ATP10B: variants seen among roughly 807,000 people sequenced by gnomAD.
ATP10B encodes ATPase phospholipid transporting 10B (putative).
Under a neutral mutation model 141.2 loss-of-function variants are expected in ATP10B, and 122 were observed. The observed-to-expected ratio is 0.86, with a 90% CI of 0.75 to 1.00. ATP10B has a LOEUF of 1.00. ATP10B is among the 50% of genes least tolerant of loss of function. The pLI, the probability that ATP10B is intolerant of heterozygous loss-of-function variation, is 0.00. For missense variants in ATP10B, 1,876 were observed against 1,825.3 expected, an observed-to-expected ratio of 1.03 and a Z score of -0.51; for synonymous variants, 685 against 692.0, an observed-to-expected ratio of 0.99 and a Z score of 0.16.
intron 24 of ATP10B, among the ~76,000 whole-genome samples, chr5:160,571,352 TTA>T (rs1394054545): frequency 1.3e-5 from 2 of 152,214 alleles, no homozygotes; most frequent in East Asian, 1.9e-4. Flanking sequence ...CCATTGAAAC[TTA>T]TAGTTATTGT....
chr5:160,812,646 G>T (rs1246738618), intron 1 of ATP10B, among the ~76,000 whole-genome samples: 2 of 152,066 alleles, frequency 1.3e-5, no homozygotes, highest in Non-Finnish European at 2.9e-5. Flanking sequence ...TAGCAGAATT[G>T]ATCAGGCAAA....
chr5:160,600,197 G>A (rs1403815832), intron 21 of ATP10B, among the ~76,000 whole-genome samples: 1 of 152,058 alleles, frequency 6.6e-6, no homozygotes, highest in African/African-American at 2.4e-5. Flanking sequence ...ATCACATGTT[G>A]ATATTAACAA....
chr5:160,611,076 A>G (rs978294369), intron 18 of ATP10B, among the ~76,000 whole-genome samples: 4 of 152,176 alleles, frequency 2.6e-5, no homozygotes, highest in African/African-American at 7.2e-5. Context: ...CTGGCTTAAC[A>G]TATTATTTTT....
At chr5:160,912,218 A>C in the ATP10B span, among the ~76,000 whole-genome samples, 746 of 152,206 alleles carry the variant, frequency 4.9e-3, 4 homozygotes, top group African/African-American at 0.017. Flanking sequence ...AAAATAATGA[A>C]GAATAAGTTA....
intron 8 of ATP10B, among the ~76,000 whole-genome samples, chr5:160,646,637 G>A (rs1417495619): frequency 6.6e-6 from 1 of 152,174 alleles, no homozygotes; most frequent in East Asian, 1.9e-4. Flanking sequence ...GGCTGGCTGT[G>A]GATTTAATAC....
intron 2 of ATP10B, among the ~76,000 whole-genome samples, chr5:160,724,475 T>C (rs1054953553): frequency 2.0e-5 from 3 of 152,310 alleles, no homozygotes; most frequent in East Asian, 3.9e-4. Flanking sequence ...AAACTCTCCA[T>C]TGGCTTCCTA....
At chr5:160,837,951 T>G (rs943518221) in intron 1 of ATP10B, among the ~76,000 whole-genome samples, 1 of 152,218 alleles carries the variant, frequency 6.6e-6, no homozygotes, top group African/African-American at 2.4e-5. Flanking sequence ...ATCAGGATTC[T>G]GTAATGTAGT....
intron 2 of ATP10B, among the ~76,000 whole-genome samples, chr5:160,741,404 G>A (rs1010926122): frequency 2.6e-5 from 4 of 152,192 alleles, no homozygotes; most frequent in Non-Finnish European, 2.9e-5. Flanking sequence ...CTGGGAGTGA[G>A]AAATAATCTA....
chr5:160,604,709 C>T (rs113430688), intron 19 of ATP10B, among the ~76,000 whole-genome samples: 9 of 151,714 alleles, frequency 5.9e-5, no homozygotes, highest in African/African-American at 2.2e-4. Context: ...GGCATAGACA[C>T]ACACACACAC....
At chr5:160,917,789 A>G in the ATP10B span, among the ~76,000 whole-genome samples, 1 of 151,916 alleles carries the variant, frequency 6.6e-6, no homozygotes. Context: ...CCTGCCACCT[A>G]CCCTCCCTTC....
At chr5:160,841,827 C>T (rs1222588349) in intron 1 of ATP10B, among the ~76,000 whole-genome samples, 3 of 152,144 alleles carry the variant, frequency 2.0e-5, no homozygotes, top group African/African-American at 4.8e-5. Context: ...TGGGCACAAG[C>T]GATTCTACTG....
chr5:160,593,937 G>C (rs1166837412), intron 22 of ATP10B, among the ~76,000 whole-genome samples: 1 of 152,216 alleles, frequency 6.6e-6, no homozygotes, highest in Non-Finnish European at 1.5e-5. Flanking sequence ...CGGGGAGAAA[G>C]AATGGAACTA....
At chr5:160,891,318 AATCCC>A in the ATP10B span, among the ~76,000 whole-genome samples, 1 of 152,282 alleles carries the variant, frequency 6.6e-6, no homozygotes, top group Middle Eastern at 3.4e-3. Context: ...CTTGCCTCAG[AATCCC>A]ATCAGTATGT....
chr5:160,645,712 A>G (rs2127682316), intron 8 of ATP10B, among the ~76,000 whole-genome samples: 1 of 152,266 alleles, frequency 6.6e-6, no homozygotes, highest in Middle Eastern at 3.4e-3. Context: ...ATAACTTTCC[A>G]AACCTATTTG....
chr5:160,703,839 T>C (rs1764817810), intron 3 of ATP10B, among the ~76,000 whole-genome samples: 1 of 152,172 alleles, frequency 6.6e-6, no homozygotes, highest in South Asian at 2.1e-4. Context: ...TCTTAAGTAA[T>C]AAGACTTGAA....
At chr5:160,587,282 T>C (rs1755972793) in intron 24 of ATP10B, among the ~76,000 whole-genome samples, 1 of 152,178 alleles carries the variant, frequency 6.6e-6, no homozygotes, top group African/African-American at 2.4e-5. Context: ...GTGGTGTTAT[T>C]TGAGGTCTCT....
At chr5:160,829,877 A>G (rs937174281) in intron 1 of ATP10B, among the ~76,000 whole-genome samples, 1 of 152,128 alleles carries the variant, frequency 6.6e-6, no homozygotes, top group East Asian at 1.9e-4. Context: ...TTTTCTAAGT[A>G]TAGAATGATA....
chr5:160,636,011 C>A (rs1178209673), intron 11 of ATP10B, among the ~76,000 whole-genome samples, 171 bp downstream of exon 11: 1 of 152,212 alleles, frequency 6.6e-6, no homozygotes, highest in Non-Finnish European at 1.5e-5. Flanking sequence ...GTCCTTAAAT[C>A]ACCCAAAATG....
chr5:160,881,589 G>C, the ATP10B span, among the ~76,000 whole-genome samples: 1 of 152,092 alleles, frequency 6.6e-6, no homozygotes, highest in Admixed American at 6.5e-5. Flanking sequence ...GAGGCGGGTG[G>C]ATCACGAGGT....
Sources: allele counts gnomAD v4.1 joint callset (sites outside exome capture counted in the v4.1 genomes callset), GRCh38; gene constraint gnomAD v4.1.1; transcripts MANE v1.5; gene names NCBI Gene and HGNC (gene_info 2026-07-23, HGNC 2026-07-21).